Variants in THAP6 observed in about 807,000 individuals in gnomAD.
The protein encoded by THAP6 is THAP domain containing 6.
Under a neutral mutation model 20.0 loss-of-function variants are expected in THAP6, and 13 were observed. The observed-to-expected ratio is 0.65, with a 90% CI of 0.42 to 1.03. The LOEUF is 1.03. THAP6 is among the 50% of genes least tolerant of loss of function. THAP6 has a pLI of 0.00. For missense variants in THAP6, 262 were observed against 261.6 expected, an observed-to-expected ratio of 1.00 and a Z score of -0.01; for synonymous variants, 93 against 92.2, an observed-to-expected ratio of 1.01 and a Z score of -0.05.
At chr4:75,522,525 C>A (rs533896290) in intron 4 of THAP6, 1 of 152,180 alleles carries the variant, frequency 6.6e-6, no homozygotes, top group Admixed American at 6.5e-5. Flanking sequence ...CTATCAAATA[C>A]TAGATCTTAG....
At chr4:75,514,383 A>T, upstream of THAP6, 1 of 1,336,036 alleles carries the variant, frequency 7.5e-7, no homozygotes, top group Non-Finnish European at 1.0e-6. Context: ...TCCCAGCCCC[A>T]GCGGCCACTA....
chr4:75,516,626 G>A (rs1725661928), intron 2 of THAP6, 146 bp from the exon 3 acceptor site: 1 of 680,822 alleles, frequency 1.5e-6, no homozygotes, highest in South Asian at 2.5e-5. Context: ...ACAAAAGCAT[G>A]AATTATGGTT....
intron 2 of THAP6, among the ~76,000 whole-genome samples, chr4:75,535,517 C>T (rs1013478251): frequency 6.6e-6 from 1 of 152,204 alleles, no homozygotes; most frequent in Non-Finnish European, 1.5e-5. Flanking sequence ...TCTTTCTATT[C>T]TGCTCTAACC....
At chr4:75,519,907 G>A (rs1467237451) in intron 3 of THAP6, among the ~76,000 whole-genome samples, 8 of 151,958 alleles carry the variant, frequency 5.3e-5, no homozygotes, top group Non-Finnish European at 1.0e-4. Flanking sequence ...TCGCCACACT[G>A]ACTTCCACAA....
intron 3 of THAP6, among the ~76,000 whole-genome samples, chr4:75,520,011 G>C (rs1320868457): frequency 3.6e-4 from 55 of 151,538 alleles, no homozygotes; most frequent in African/African-American, 1.3e-3. Flanking sequence ...ACTTTTTAAT[G>C]ATTGCCATTC....
intron 1 of THAP6, 75 bp from the exon 2 acceptor site, chr4:75,515,358 A>G (rs764122747): frequency 5.8e-5 from 82 of 1,411,454 alleles, no homozygotes; most frequent in Non-Finnish European, 7.7e-5. Flanking sequence ...TGTGTTTCCT[A>G]AAACACCGGG....
At chr4:75,546,946 A>G (rs1727139760) in intron 3 of THAP6, among the ~76,000 whole-genome samples, 1 of 152,234 alleles carries the variant, frequency 6.6e-6, no homozygotes, top group Non-Finnish European at 1.5e-5. Context: ...AGCCCAGCCA[A>G]GTTGGCACAT....
In THAP6 at chr4:75,529,878, A is replaced by G; in HGVS notation, c.*2664A>G. The stretch of plus-strand genomic sequence containing the variant: ...GACTTTGGTTGCTAATGACAATTAC[A>G]GTTATACCATAGTCTGTAATTTGAG... On this transcript the variant is annotated 3_prime_UTR_variant, in exon 5 of 5. Coordinates refer to ENST00000311638, the MANE Select transcript of THAP6 (RefSeq NM_144721.6). The G allele has an allele frequency of 1.0e-6, 1 of 979,210 alleles. No homozygotes were observed. The highest frequency in any genetic ancestry group is 1.2e-6 in the Non-Finnish European group (1 of 824,214). The allele number at this position is 979,210 out of a possible 1,614,324, so 60.7% of individuals were successfully genotyped here.
Position 75,515,414 on chromosome 4 carries a change from C to T in THAP6, c.-20-19C>T. 6.2e-7 allele frequency: 1 copy of T among 1,602,742 alleles called. No homozygotes were observed. Among genetic ancestry groups the T allele is most frequent in the Middle Eastern group, 1.7e-4 (1 of 6,038 alleles). On this transcript the variant is annotated intron_variant, in intron 1 of 4. Coordinates refer to ENST00000311638, the MANE Select transcript of THAP6 (RefSeq NM_144721.6). ...CAGCTTTCCGGTTACTAACTCTTAA[C>T]ATTCTAATTTTCTTTCAGTTTTGTT...
At chr4:75,520,441 A>G (rs1278785089) in intron 3 of THAP6, among the ~76,000 whole-genome samples, 1 of 152,220 alleles carries the variant, frequency 6.6e-6, no homozygotes, top group Admixed American at 6.5e-5. Context: ...TACCATCAGC[A>G]TATAAGAATT....
chr4:75,529,331 G>A lies in THAP6; in HGVS notation c.*2117G>A, dbSNP rs558749299. 2 of 985,406 alleles carry A rather than the reference G, an allele frequency of 2.0e-6. No homozygotes were observed. Among genetic ancestry groups the A allele is most frequent in the African/African-American group, 3.5e-5 (2 of 57,344 alleles). 61.0% of individuals were successfully genotyped at this position (985,406 alleles called of 1,614,324 possible). A position where few individuals can be genotyped will look rare whatever the true frequency, so the allele number is the denominator to read the frequency against. On this transcript the variant is annotated 3_prime_UTR_variant, in exon 5 of 5. Transcript: ENST00000311638. ...CCAAACCTGGAAGACCTTTCCAAGA[G>A]TAAAATCCCAGTCTGCCACTATCAA...
chr4:75,521,699 A>G (rs1331286191), intron 3 of THAP6, 37 bp from the exon 4 acceptor site: 1 of 1,525,426 alleles, frequency 6.6e-7, no homozygotes, highest in East Asian at 2.3e-5. Flanking sequence ...GAACAAAAGT[A>G]TCTCACTTGA....
At chr4:75,519,098 T>C (rs1010404271) in intron 3 of THAP6, among the ~76,000 whole-genome samples, 2 of 152,192 alleles carry the variant, frequency 1.3e-5, no homozygotes, top group African/African-American at 4.8e-5. Flanking sequence ...TTTATCACTG[T>C]CAATTATATA....
chr4:75,546,670 A>G (rs6821981), intron 3 of THAP6, among the ~76,000 whole-genome samples: 100,183 of 152,050 alleles, frequency 0.66, 35,097 homozygotes, highest in African/African-American at 0.91. Context: ...TCCAAAATCT[A>G]CAGGGTAGGC....
chr4:75,546,136 A>C (rs1727122449), intron 3 of THAP6, among the ~76,000 whole-genome samples: 1 of 152,220 alleles, frequency 6.6e-6, no homozygotes, highest in Non-Finnish European at 1.5e-5. Context: ...ATCCAAACCC[A>C]GTGTCTTCAG....
At chr4:75,542,349 C>T (rs1727027407) in intron 2 of THAP6, 2 of 690,114 alleles carry the variant, frequency 2.9e-6, no homozygotes, top group Admixed American at 2.0e-5. Flanking sequence ...ATTGCATGCT[C>T]TAATAGAGCT....
At chr4:75,519,682 T>C (rs1355874606) in intron 3 of THAP6, among the ~76,000 whole-genome samples, 1 of 152,180 alleles carries the variant, frequency 6.6e-6, no homozygotes, top group Non-Finnish European at 1.5e-5. Flanking sequence ...GGCTGCATAG[T>C]ATTCCATGGT....
chr4:75,535,102 C>A (rs999102607), intron 2 of THAP6, among the ~76,000 whole-genome samples: 1 of 152,212 alleles, frequency 6.6e-6, no homozygotes, highest in Non-Finnish European at 1.5e-5. Flanking sequence ...CACATGCACA[C>A]GTATGAGAAA....
At chr4:75,536,913 T>G (rs977501492) in intron 2 of THAP6, among the ~76,000 whole-genome samples, 8 of 151,976 alleles carry the variant, frequency 5.3e-5, no homozygotes, top group African/African-American at 1.9e-4. Flanking sequence ...CAAAAGAAAG[T>G]TGGGGTAATA....
Sources: allele counts gnomAD v4.1 joint callset (sites outside exome capture counted in the v4.1 genomes callset), GRCh38; gene constraint gnomAD v4.1.1; transcripts MANE v1.5; gene names NCBI Gene and HGNC (gene_info 2026-07-23, HGNC 2026-07-21).